The following RAF1 variants were observed in gnomAD, a reference collection of about 807,000 sequenced individuals.
The protein encoded by RAF1 is RAF proto-oncogene serine/threonine-protein kinase.
Under a neutral mutation model 81.1 loss-of-function variants are expected in RAF1, and 27 were observed. That is an observed-to-expected ratio of 0.33 (90% CI 0.25 to 0.46). RAF1 has a LOEUF of 0.46. Among genes scored for constraint, RAF1 ranks in the 20% least tolerant of loss-of-function variants. The pLI, the probability that RAF1 is intolerant of heterozygous loss-of-function variation, is 1.00. For synonymous variants in RAF1, 298 were observed against 294.0 expected (o/e 1.01, Z -0.14); for missense variants, 598 against 826.0 (o/e 0.72, Z 3.38).
At chr3:12,658,633 T>G (rs1364162444) in intron 1 of RAF1, among the ~76,000 whole-genome samples, 1 of 152,000 alleles carries the variant, frequency 6.6e-6, no homozygotes, top group Non-Finnish European at 1.5e-5. Flanking sequence ...CAAACAAAAT[T>G]GACTGCCACT....
In RAF1 at chr3:12,587,551, A is replaced by G. The variant is rs374224700; in HGVS notation, c.1477+40T>C. On this transcript the variant is annotated intron_variant, in intron 14 of 17. Coordinates refer to ENST00000442415, the MANE Select transcript of RAF1 (RefSeq NM_001354689.3). ...GCCTCCCTTCTGTTTCCCTAAATTT[A>G]GAACCGAGCAGTCAAATGAACTCAA... The G allele has an allele frequency of 5.1e-5, 79 of 1,561,198 alleles. No homozygotes were observed. In the East Asian group the frequency reaches 1.0e-3, roughly 20 times the overall value.
intron 1 of RAF1, among the ~76,000 whole-genome samples, chr3:12,633,254 G>A (rs1046973926): frequency 6.6e-6 from 1 of 152,060 alleles, no homozygotes; most frequent in Non-Finnish European, 1.5e-5. Context: ...GGTGAGGCAG[G>A]AGGATCACTT....
intron 5 of RAF1, chr3:12,608,454 T>G: frequency 2.6e-6 from 1 of 385,734 alleles, no homozygotes; most frequent in East Asian, 5.6e-5. Flanking sequence ...ATAATACTAT[T>G]AAGAGCGAAA....
At chr3:12,657,710 G>A (rs570504958) in intron 1 of RAF1, among the ~76,000 whole-genome samples, 13 of 151,864 alleles carry the variant, frequency 8.6e-5, no homozygotes, top group Admixed American at 3.9e-4. Context: ...CAGAGGTTGC[G>A]GTGAGCTGAG....
At position 12,625,013 on chromosome 3, in the gene RAF1, A is replaced by G. The variant is rs555616759; in HGVS notation, c.-26-6266T>C. Among the ~76,000 whole-genome samples, 49 of 152,270 alleles carry G rather than the reference A, an allele frequency of 3.2e-4. 1 individual carries two copies. The highest frequency in any genetic ancestry group is 6.5e-4 in the Admixed American group (10 of 15,292). On this transcript the variant is annotated intron_variant, in intron 1 of 17. Transcript: ENST00000442415. Reference sequence around the variant, plus strand: ...AAGCAATACAAAGGCCAACAAACATATATGTTTATATATAAAGTAGGGAAA... The same window carrying G: ...AAGCAATACAAAGGCCAACAAACATGTATGTTTATATATAAAGTAGGGAAA...
chr3:12,597,018 C>G (rs933907950), intron 11 of RAF1, among the ~76,000 whole-genome samples: 2 of 152,056 alleles, frequency 1.3e-5, no homozygotes, highest in Admixed American at 6.6e-5. Flanking sequence ...CCTGCCTCAG[C>G]CTCCAAAGTA....
intron 1 of RAF1, among the ~76,000 whole-genome samples, chr3:12,648,886 G>C (rs2060435070): frequency 6.6e-6 from 1 of 152,200 alleles, no homozygotes; most frequent in South Asian, 2.1e-4. Flanking sequence ...AGGCCGACGT[G>C]GGCGGATCAC....
chr3:12,612,263 A>C (rs2059236346), intron 2 of RAF1, among the ~76,000 whole-genome samples: 1 of 152,218 alleles, frequency 6.6e-6, no homozygotes, highest in Admixed American at 6.5e-5. Context: ...TTATGCAGCT[A>C]TTATATTACT....
At chr3:12,598,403 C>T (rs2058748029) in intron 11 of RAF1, among the ~76,000 whole-genome samples, 1 of 152,182 alleles carries the variant, frequency 6.6e-6, no homozygotes, top group Middle Eastern at 3.4e-3. Context: ...AGAAATTGGT[C>T]AGATGATTAA....
intron 1 of RAF1, among the ~76,000 whole-genome samples, chr3:12,639,057 T>TC (rs79877155): frequency 1 from 151,757 of 151,758 alleles, 75,878 homozygotes; most frequent in Middle Eastern, 1. Flanking sequence ...GCTGCCTTCA[T>TC]CCTGGGATGC....
chr3:12,646,568 T>C (rs1368282723), intron 1 of RAF1, among the ~76,000 whole-genome samples: 1 of 151,606 alleles, frequency 6.6e-6, no homozygotes, highest in East Asian at 1.9e-4. Flanking sequence ...TTTTTTTTTT[T>C]TGAGACAGAG....
intron 1 of RAF1, among the ~76,000 whole-genome samples, chr3:12,644,704 T>A (rs1392116382): frequency 1.3e-5 from 2 of 152,198 alleles, no homozygotes; most frequent in South Asian, 4.1e-4. Flanking sequence ...ATGGACATTT[T>A]TAAGTTTTCT....
At chr3:12,653,114 T>C (rs1035609824) in intron 1 of RAF1, among the ~76,000 whole-genome samples, 1 of 151,842 alleles carries the variant, frequency 6.6e-6, no homozygotes, top group Admixed American at 6.6e-5. Context: ...AAACCCCATC[T>C]CTACTAAAAA....
intron 5 of RAF1, among the ~76,000 whole-genome samples, chr3:12,608,040 A>G (rs139830442): frequency 2.0e-3 from 297 of 152,006 alleles, no homozygotes; most frequent in African/African-American, 6.8e-3. Flanking sequence ...AGCTCTCATC[A>G]CAAAATCAAT....
chr3:12,592,649 A>G (rs573180211), intron 11 of RAF1, among the ~76,000 whole-genome samples: 11 of 151,782 alleles, frequency 7.2e-5, no homozygotes, highest in South Asian at 4.2e-4. Flanking sequence ...ATTGTCAAGC[A>G]CTGTAAAACC....
intron 1 of RAF1, among the ~76,000 whole-genome samples, chr3:12,642,212 A>G (rs543542906): frequency 4.3e-4 from 66 of 151,734 alleles, no homozygotes; most frequent in African/African-American, 1.5e-3. Context: ...GCACTTTGAG[A>G]GGCTGAAGCG....
chr3:12,591,181 A>G (rs2058504550), intron 12 of RAF1, among the ~76,000 whole-genome samples: 1 of 152,148 alleles, frequency 6.6e-6, no homozygotes, highest in East Asian at 1.9e-4. Context: ...TCACTGGGCC[A>G]TCAGTTCAGT....
At chr3:12,633,176 T>C (rs778055361) in intron 1 of RAF1, among the ~76,000 whole-genome samples, 1 of 151,944 alleles carries the variant, frequency 6.6e-6, no homozygotes, top group Non-Finnish European at 1.5e-5. Context: ...CCCTCGAATA[T>C]GGATGATAAA....
Position 12,599,762 on chromosome 3 carries a change from GCTT to G in RAF1, c.1094_1096del (p.Glu365del). On this transcript the variant is annotated inframe_deletion, in exon 11 of 18. Transcript: ENST00000442415. ...CCGAGTGGACAGCATCACTTCACTG[GCTT>G]CTATTTCCCAATAATAGCTTGAATC... 1 of 1,614,112 alleles carries G rather than the reference GCTT, an allele frequency of 6.2e-7. No homozygotes were observed. Among genetic ancestry groups the G allele is most frequent in the Non-Finnish European group, 8.5e-7 (1 of 1,180,018 alleles).
Sources: gnomAD v4.1 joint callset for allele counts (sites outside exome capture counted in the v4.1 genomes callset) on GRCh38, gnomAD v4.1.1 for gene constraint, MANE v1.5 for transcripts, NCBI Gene and HGNC (gene_info 2026-07-23, HGNC 2026-07-21) for gene names.